RIMBP2: variants seen among roughly 807,000 people sequenced by gnomAD.
RIMBP2 encodes RIMS binding protein 2, also known as RIMS-binding protein 2.
RIMBP2 carries 48 observed loss-of-function variants against 118.6 expected under a neutral mutation model. The ratio of observed to expected loss-of-function variants is 0.40; its 90% CI spans 0.32 to 0.51. The LOEUF (loss-of-function observed/expected upper bound fraction) is 0.51, where lower values mean the gene tolerates loss of function less well. Ranked by LOEUF, RIMBP2 falls within the 20% of genes least tolerant of loss-of-function variation. RIMBP2 has a pLI of 0.41. For missense variants in RIMBP2, 1,551 were observed against 1,768.3 expected (o/e 0.88, Z 2.20); for synonymous variants, 762 against 742.9 (o/e 1.03, Z -0.42).
chr12:130,664,422 CACACACAT>C lies in RIMBP2; in HGVS notation c.-351-35974_-351-35967del, dbSNP rs1192774843. Among the ~76,000 whole-genome samples the C allele has an allele frequency of 7.8e-5, 7 of 89,920 alleles. 1 individual carries two copies. Among genetic ancestry groups the C allele is most frequent in the Middle Eastern group, 0.012 (2 of 166 alleles). The allele number at this position is 89,920 out of a possible 152,430, so 59.0% of individuals were successfully genotyped here. On this transcript the variant is annotated intron_variant, in intron 1 of 22. Coordinates refer to ENST00000690449, the MANE Select transcript of RIMBP2 (RefSeq NM_001393629.1). ...ACGCACGCACGCACGCACACACACG[CACACACAT>C]GCATGCACGCACACACGCACACACA...
intron 2 of RIMBP2, among the ~76,000 whole-genome samples, chr12:130,613,328 G>A (rs534238955): frequency 3.3e-4 from 50 of 152,270 alleles, no homozygotes; most frequent in Middle Eastern, 3.4e-3. Context: ...TACCCCTGCC[G>A]CAATCTCCAG....
intron 2 of RIMBP2, among the ~76,000 whole-genome samples, chr12:130,579,616 G>A (rs1339856563): frequency 1.3e-5 from 2 of 152,122 alleles, no homozygotes; most frequent in African/African-American, 4.8e-5. Flanking sequence ...AGTCCTGAGA[G>A]AATCAGCAAA....
intron 12 of RIMBP2, 28 bp downstream of exon 12, chr12:130,438,337 C>CGGGGGGGGG: frequency 1.6e-6 from 2 of 1,214,102 alleles, no homozygotes; most frequent in Non-Finnish European, 2.4e-6. Flanking sequence ...CCTAACAAAC[C>CGGGGGGGGG]CTCCCCACCC....
At chr12:130,567,238 G>A (rs1417091782) in intron 2 of RIMBP2, among the ~76,000 whole-genome samples, 1 of 152,152 alleles carries the variant, frequency 6.6e-6, no homozygotes, top group Non-Finnish European at 1.5e-5. Flanking sequence ...AAGCAACCGT[G>A]GATTAAAGAC....
At chr12:130,700,860 C>A (rs558057866) in intron 1 of RIMBP2, among the ~76,000 whole-genome samples, 1 of 152,210 alleles carries the variant, frequency 6.6e-6, no homozygotes, top group Non-Finnish European at 1.5e-5. Flanking sequence ...ACCTTGTGAG[C>A]GCCCACTGCA....
chr12:130,523,764 C>T lies in RIMBP2; in HGVS notation c.-216-5847G>A, dbSNP rs1357596326. 1.3e-5 allele frequency among the ~76,000 whole-genome samples: 2 copies of T among 152,208 alleles called. No homozygotes were observed. The highest frequency in any genetic ancestry group is 2.9e-5 in the Non-Finnish European group (2 of 68,036). ...AGTGGGTGAGGAGCACCCTCTGCCC[C>T]CAGCCTTGTGGGTGCAGCAGACAGC... On this transcript the variant is annotated intron_variant, in intron 2 of 22. Coordinates refer to ENST00000690449, the MANE Select transcript of RIMBP2 (RefSeq NM_001393629.1). The surrounding 1 kb of genome is among the most constrained non-coding windows in gnomAD (Gnocchi z 4.4).
rs149277460 is a variant in RIMBP2, at chr12:130,421,952, G to A, written c.3238+501C>T. ...CAGATGACGACTCATGAGCAAGGGA[G>A]GTGCCCAGATGGATGTGGGGAGCAC... On this transcript the variant is annotated intron_variant, in intron 17 of 22. Transcript: ENST00000690449. Among the ~76,000 whole-genome samples, 769 of 152,286 alleles carry A rather than the reference G, an allele frequency of 5.0e-3. 9 individuals carry two copies. The highest frequency in any genetic ancestry group is 0.018 in the African/African-American group (729 of 41,556).
chr12:130,580,659 ACCAGGTGCAGTGG>A (rs1566301155), intron 2 of RIMBP2, among the ~76,000 whole-genome samples: 4 of 152,188 alleles, frequency 2.6e-5, no homozygotes, highest in Non-Finnish European at 5.9e-5. Context: ...CTGCATTAAG[ACCAGGTGCAGTGG>A]CTCATGCCTG....
intron 10 of RIMBP2, 114 bp downstream of exon 10, chr12:130,445,046 G>A: frequency 1.5e-6 from 1 of 659,630 alleles, no homozygotes; most frequent in South Asian, 2.2e-5. Context: ...GAGGAGGGCT[G>A]GGTGGCCAGG....
rs180910425 is a variant in RIMBP2, at chr12:130,614,350, G to A, written c.-217+13972C>T. Among the ~76,000 whole-genome samples, 97 of 152,268 alleles carry A rather than the reference G, an allele frequency of 6.4e-4. 1 individual carries two copies. On this transcript the variant is annotated intron_variant, in intron 2 of 22. Transcript: ENST00000690449. ...CCCTTATCCTCAGAAGACGTTCAGTGAGCAACGTAAACAAACCGACGACAT... is the reference window on the plus strand; with the variant it reads ...CCCTTATCCTCAGAAGACGTTCAGTAAGCAACGTAAACAAACCGACGACAT...
intron 2 of RIMBP2, among the ~76,000 whole-genome samples, chr12:130,549,119 T>C (rs752269126): frequency 1.8e-4 from 27 of 152,208 alleles, no homozygotes; most frequent in Admixed American, 6.5e-5. Flanking sequence ...TTTTATTCAG[T>C]GTGATTTCAT....
intron 1 of RIMBP2, among the ~76,000 whole-genome samples, chr12:130,646,702 T>A (rs1036319923): frequency 2.0e-5 from 3 of 152,200 alleles, no homozygotes; most frequent in African/African-American, 7.2e-5. Flanking sequence ...TGTACAAAGC[T>A]AGAGTTGGAA....
intron 2 of RIMBP2, among the ~76,000 whole-genome samples, chr12:130,535,706 CATATACATATACATATATATACATAT>C (rs2053952675): frequency 7.4e-6 from 1 of 134,962 alleles, no homozygotes. Flanking sequence ...TATATATACA[CATATACATATACATATATATACATAT>C]ATATACATAT....
rs533367974 is a variant in RIMBP2 at position 130,689,998 on chromosome 12, C to T, written c.-352+26224G>A. On this transcript the variant is annotated intron_variant, in intron 1 of 22. Transcript: ENST00000690449. ...GTGCACTCAGGCTGTGGGAGTTAAG[C>T]GCCTCGCAATTGCAGAGCTGAGGCC... Among the ~76,000 whole-genome samples the T allele has an allele frequency of 7.9e-5, 12 of 152,258 alleles. No homozygotes were observed. The South Asian group carries it at 2.1e-3, about 26-fold the overall frequency.
In RIMBP2 at chr12:130,469,432, T is replaced by C. The variant is rs1243366050; in HGVS notation, c.153+1261A>G. On this transcript the variant is annotated intron_variant, in intron 6 of 22. Coordinates refer to ENST00000690449, the MANE Select transcript of RIMBP2 (RefSeq NM_001393629.1). This position sits in a 1 kb window ranked among gnomAD's most constrained non-coding sequence, Gnocchi z 4.8. Reference sequence around the variant, plus strand: ...GCAACTGGGGAGAGGCAACTACCTTTTCTGCCAGGAGACGATGCAAATTAA... The same window carrying C: ...GCAACTGGGGAGAGGCAACTACCTTCTCTGCCAGGAGACGATGCAAATTAA... Among the ~76,000 whole-genome samples the C allele has an allele frequency of 6.6e-6, 1 of 152,112 alleles. No homozygotes were observed. The highest frequency in any genetic ancestry group is 1.9e-4 in the East Asian group (1 of 5,168).
At chr12:130,604,926 C>T (rs1421231713) in intron 2 of RIMBP2, among the ~76,000 whole-genome samples, 2 of 151,638 alleles carry the variant, frequency 1.3e-5, no homozygotes, top group African/African-American at 2.4e-5. Flanking sequence ...GCCTTTTCTG[C>T]AAGGTTTAGA....
At chr12:130,696,138 C>T (rs949367261) in intron 1 of RIMBP2, among the ~76,000 whole-genome samples, 11 of 152,190 alleles carry the variant, frequency 7.2e-5, no homozygotes, top group Non-Finnish European at 1.3e-4. Context: ...CCTCCATGCT[C>T]ACGTCCCAGC....
chr12:130,432,743 G>A (rs750481357), intron 14 of RIMBP2, among the ~76,000 whole-genome samples: 55 of 152,182 alleles, frequency 3.6e-4, no homozygotes, highest in South Asian at 8.3e-4. Context: ...CCTCGGCCCT[G>A]GACTTCCAGC....
chr12:130,404,838 A>G (rs1227928397), intron 21 of RIMBP2, among the ~76,000 whole-genome samples: 1 of 152,238 alleles, frequency 6.6e-6, no homozygotes, highest in Admixed American at 6.5e-5. Flanking sequence ...CATTATAAAA[A>G]TACAATAATT....
Sources: allele counts gnomAD v4.1 joint callset (sites outside exome capture counted in the v4.1 genomes callset), GRCh38; gene constraint gnomAD v4.1.1; non-coding constraint Gnocchi (gnomAD v3.1); transcripts MANE v1.5; gene names NCBI Gene and HGNC (gene_info 2026-07-23, HGNC 2026-07-21).